Variants in EBF2 observed in about 807,000 individuals in gnomAD.
EBF2 encodes the protein transcription factor COE2.
In EBF2, 21 loss-of-function variants were observed where a neutral mutation model predicts 72.8. The observed-to-expected ratio is 0.29, with a 90% CI of 0.20 to 0.42. The LOEUF is 0.42. Ranked by LOEUF, EBF2 falls within the 10% of genes least tolerant of loss-of-function variation. The pLI, the probability that EBF2 is intolerant of heterozygous loss-of-function variation, is 1.00. For synonymous variants in EBF2, 299 were observed against 274.2 expected (o/e 1.09, Z -0.89); for missense variants, 637 against 731.2 (o/e 0.87, Z 1.49).
chr8:25,934,221 GCATA>G (rs1424506703), intron 6 of EBF2, among the ~76,000 whole-genome samples: 2 of 108,074 alleles, frequency 1.9e-5, no homozygotes, highest in African/African-American at 7.6e-5. Flanking sequence ...GACTTCATGT[GCATA>G]CACACACACA....
chr8:26,035,547 C>A (rs1438489062), intron 5 of EBF2, among the ~76,000 whole-genome samples: 1 of 152,120 alleles, frequency 6.6e-6, no homozygotes, highest in East Asian at 1.9e-4. Flanking sequence ...CTTTTTAAAC[C>A]CACCTCTTTC....
At chr8:25,882,480 A>G (rs2117285259) in intron 10 of EBF2, among the ~76,000 whole-genome samples, 1 of 152,312 alleles carries the variant, frequency 6.6e-6, no homozygotes, top group East Asian at 1.9e-4. Flanking sequence ...GTTGTGAGCT[A>G]CTTGAGTGGT....
At chr8:25,881,783 A>T (rs927211585) in intron 10 of EBF2, among the ~76,000 whole-genome samples, 2 of 152,126 alleles carry the variant, frequency 1.3e-5, no homozygotes, top group Admixed American at 1.3e-4. Flanking sequence ...AGGCAGACAC[A>T]CATCAGCGGA....
intron 10 of EBF2, among the ~76,000 whole-genome samples, chr8:25,871,554 G>A (rs1318136477): frequency 6.6e-6 from 1 of 152,112 alleles, no homozygotes; most frequent in Admixed American, 6.5e-5. Context: ...TTATGGCATG[G>A]CATGAAGTTA....
intron 5 of EBF2, among the ~76,000 whole-genome samples, chr8:26,039,807 G>C (rs1805567454): frequency 1.3e-5 from 2 of 152,238 alleles, no homozygotes. Context: ...TGCGACATCA[G>C]AGAGGTGGAA....
intron 10 of EBF2, among the ~76,000 whole-genome samples, chr8:25,872,818 T>C (rs941487333): frequency 1.3e-5 from 2 of 152,218 alleles, no homozygotes; most frequent in Non-Finnish European, 2.9e-5. Flanking sequence ...ACCTGCCACG[T>C]GGCTTTGGCC....
rs563035384 is a variant in EBF2, at chr8:25,884,990, G to A, written c.1009+1765C>T. On this transcript the variant is annotated intron_variant, in intron 10 of 15. Coordinates refer to ENST00000520164, the MANE Select transcript of EBF2 (RefSeq NM_022659.4). ...ATAATATGCCTGCTATATTTTCTTG[G>A]TTTATATATTTCTTTCTCTATACTC... Among the ~76,000 whole-genome samples, 708 of 151,986 alleles carry A rather than the reference G, an allele frequency of 4.7e-3. 6 individuals carry two copies. The highest frequency in any genetic ancestry group is 0.016 in the African/African-American group (673 of 41,464).
chr8:25,871,512 A>T (rs1175936486), intron 10 of EBF2, among the ~76,000 whole-genome samples: 1 of 152,218 alleles, frequency 6.6e-6, no homozygotes, highest in East Asian at 1.9e-4. Context: ...GCCCCACTGA[A>T]ATATAATTTA....
At chr8:26,018,982 G>T (rs1302770404) in intron 6 of EBF2, among the ~76,000 whole-genome samples, 2 of 150,588 alleles carry the variant, frequency 1.3e-5, no homozygotes, top group East Asian at 3.9e-4. Flanking sequence ...CACTGGGAAG[G>T]TATTAGGCAT....
intron 6 of EBF2, among the ~76,000 whole-genome samples, chr8:25,917,160 G>A (rs570494189): frequency 6.6e-6 from 1 of 150,526 alleles, no homozygotes; most frequent in Non-Finnish European, 1.5e-5. Flanking sequence ...AGGACCTGGG[G>A]TTAGATGTTG....
At chr8:25,868,909 C>G (rs575835239) in intron 10 of EBF2, among the ~76,000 whole-genome samples, 1 of 152,284 alleles carries the variant, frequency 6.6e-6, no homozygotes, top group African/African-American at 2.4e-5. Flanking sequence ...CCACCTCTTT[C>G]TCTCCACTTA....
chr8:25,954,158 A>G (rs931928128), intron 6 of EBF2, among the ~76,000 whole-genome samples: 4 of 152,244 alleles, frequency 2.6e-5, no homozygotes, highest in African/African-American at 9.6e-5. Context: ...TTCTAGTCAT[A>G]TTAAGGGTAT....
intron 6 of EBF2, among the ~76,000 whole-genome samples, chr8:25,990,892 T>C (rs563758512): frequency 9.2e-4 from 140 of 152,320 alleles, no homozygotes; most frequent in Non-Finnish European, 1.8e-3. Flanking sequence ...GGATGCCAAA[T>C]TTGGGTTAGC....
At chr8:26,035,980 C>A (rs2117260898) in intron 5 of EBF2, among the ~76,000 whole-genome samples, 1 of 151,838 alleles carries the variant, frequency 6.6e-6, no homozygotes, top group East Asian at 1.9e-4. Context: ...TTCTTAGCAA[C>A]ACAGTTTCAA....
rs1805587455 is a variant in EBF2, at chr8:26,040,848, G to A, written c.352+91C>T. On this transcript the variant is annotated intron_variant, in intron 3 of 15. Transcript: ENST00000520164. ...CCTCCCGCCGCCCTGGGCTCCATGC[G>A]ATCCCTGAGAGTGATCATGGCAAGG... is the stretch of plus-strand genomic sequence containing the variant. 7 of 1,572,888 alleles carry A rather than the reference G, an allele frequency of 4.5e-6. No individual in the cohort carries two copies. The Admixed American group carries it at 1.0e-4, about 24-fold the overall frequency.
rs1801761817 is a variant in EBF2 at position 25,842,702 on chromosome 8, G to T, written c.*1907C>A. On this transcript the variant is annotated 3_prime_UTR_variant, in exon 16 of 16. Transcript: ENST00000520164. Reference sequence around the variant, plus strand: ...GGTTTCTAAAACCTTGGATTCTCATGTGCATAGAAATAATATAAGTCATAC... The same window carrying T: ...GGTTTCTAAAACCTTGGATTCTCATTTGCATAGAAATAATATAAGTCATAC... 1 of 152,130 alleles carries T rather than the reference G, an allele frequency of 6.6e-6. No individual in the cohort carries two copies. Among genetic ancestry groups the T allele is most frequent in the Non-Finnish European group, 1.5e-5 (1 of 68,032 alleles). 9.4% of individuals were successfully genotyped at this position (152,130 alleles called of 1,614,324 possible).
chr8:25,961,847 T>A (rs1804040314), intron 6 of EBF2, among the ~76,000 whole-genome samples: 1 of 151,976 alleles, frequency 6.6e-6, no homozygotes, highest in Non-Finnish European at 1.5e-5. Context: ...CCCCTTCAGG[T>A]GGAAAATTCA....
At chr8:26,030,878 C>T (rs920451949) in intron 6 of EBF2, among the ~76,000 whole-genome samples, 5 of 152,284 alleles carry the variant, frequency 3.3e-5, no homozygotes, top group East Asian at 3.9e-4. Flanking sequence ...ACTATGAAGG[C>T]GCCTAATATG....
chr8:26,044,786 G>A lies in EBF2; in HGVS notation c.74C>T (p.Ser25Leu). The part of the protein sequence containing the change: ...KEKSLGAEMD[S>L]VRSWVRNVGV... The stretch of plus-strand genomic sequence containing the variant: ...GACATTCCGGACCCAGGACCTGACC[G>A]AATCCATCTCCGCGCCCAGCGATTT... Residue 25 changes from serine (S) to leucine (L), a missense_variant, in exon 1 of 16, where the codon TCG becomes TTG. Transcript: ENST00000520164. The surrounding 1 kb of genome is among the most constrained non-coding windows in gnomAD (Gnocchi z 4.1). 1.2e-6 allele frequency: 2 copies of A among 1,614,154 alleles called. No homozygotes were observed. The highest frequency in any genetic ancestry group is 2.2e-5 in the East Asian group (1 of 44,862).
Sources: allele counts gnomAD v4.1 joint callset (sites outside exome capture counted in the v4.1 genomes callset), GRCh38; gene constraint gnomAD v4.1.1; non-coding constraint Gnocchi (gnomAD v3.1); transcripts MANE v1.5; gene names NCBI Gene and HGNC (gene_info 2026-07-23, HGNC 2026-07-21).